The following APOBR variants were observed in gnomAD, a reference collection of about 807,000 sequenced individuals.
APOBR encodes the protein apolipoprotein B receptor, also known as apoB-48R.
In APOBR, 57 loss-of-function variants were observed where a neutral mutation model predicts 88.5. The observed-to-expected ratio is 0.64, with a 90% confidence interval of 0.52 to 0.80. The LOEUF is 0.80. Ranked by LOEUF, APOBR falls within the 30% of genes least tolerant of loss-of-function variation. The pLI is 0.00. For synonymous variants in APOBR, 588 were observed against 572.7 expected (o/e 1.03, Z -0.38); for missense variants, 1,443 against 1,401.6 (o/e 1.03, Z -0.47).
chr16:28,498,543 G>C lies in APOBR; in HGVS notation c.*38G>C. On this transcript the variant is annotated 3_prime_UTR_variant, in exon 4 of 4. Transcript: ENST00000564831. Reference sequence around the variant, plus strand: ...GCTCTGGGAGCCAGGCCCTGAGTGGGTGCCAGAAGGCTTGCTCCAATGCCA... The same window carrying C: ...GCTCTGGGAGCCAGGCCCTGAGTGGCTGCCAGAAGGCTTGCTCCAATGCCA... 2 of 1,555,826 alleles carry C rather than the reference G, an allele frequency of 1.3e-6. No individual in the cohort carries two copies. Among genetic ancestry groups the C allele is most frequent in the East Asian group, 4.8e-5 (2 of 41,776 alleles).
rs2046401066 is a variant in APOBR, at chr16:28,497,304, G to A, written c.2263G>A (p.Ala755Thr). ...VAVGLPDRED[A>T]QTGSVAAGIM... ...TGTGGGCCTCCCGGACCGTGAGGAT[G>A]CACAGACTGGCTCTGTGGCTGCTGG... Residue 755 changes from alanine to threonine, a missense_variant, in exon 2 of 4, where the codon GCA (alanine) becomes ACA (threonine). Physicochemically the swap from Ala to Thr is moderately conservative, Grantham distance 58. Transcript: ENST00000564831. 4.4e-6 allele frequency: 7 copies of A among 1,599,196 alleles called. No individual in the cohort carries two copies. Among genetic ancestry groups the A allele is most frequent in the Non-Finnish European group, 4.3e-6 (5 of 1,173,204 alleles).
Position 28,495,302 on chromosome 16 carries a change from CAG to C in APOBR, c.263_264del (p.Arg88LysfsTer3). The C allele has an allele frequency of 6.5e-7, 1 of 1,538,516 alleles. No individual in the cohort carries two copies. The highest frequency in any genetic ancestry group is 8.7e-7 in the Non-Finnish European group (1 of 1,143,120). ...GAAGGCTGAGAGGGCCTGGAGATGACAGAAGACATGAAGTGGGGAGCTCAGCT... is the reference window on the plus strand; with the variant it reads ...GAAGGCTGAGAGGGCCTGGAGATGACAAGACATGAAGTGGGGAGCTCAGCT... ...AGRLRGPGDD[R>X]RHEVGSSAVE... is the part of the protein sequence containing the mutation. On this transcript the variant is annotated frameshift_variant, in exon 2 of 4. Transcript: ENST00000564831. LOFTEE classifies it high-confidence loss of function.
chr16:28,498,144 A>G lies in APOBR; in HGVS notation c.3019A>G (p.Ser1007Gly). The change falls in exon 3 of 4, where the codon AGC (serine) becomes GGC (glycine). Residue 1007 changes from serine to glycine, a missense_variant. Ser to Gly is a moderately conservative substitution (Grantham distance 56). Coordinates refer to ENST00000564831, the MANE Select transcript of APOBR (RefSeq NM_018690.4). ...VPRSRVHLSRSSSQRRSRPSF... is the reference protein window; with the variant it reads ...VPRSRVHLSRGSSQRRSRPSF... Reference sequence around the variant, plus strand: ...AAGGAGTCGCGTGCACCTCTCGAGAAGCTCCTCACAGCGTCGCTCCCGGCC... The same window carrying G: ...AAGGAGTCGCGTGCACCTCTCGAGAGGCTCCTCACAGCGTCGCTCCCGGCC... The G allele has an allele frequency of 6.3e-7, 1 of 1,598,838 alleles. No homozygotes were observed. The highest frequency in any genetic ancestry group is 8.5e-7 in the Non-Finnish European group (1 of 1,178,414).
At position 28,496,827 on chromosome 16, in the gene APOBR, G is replaced by A; in HGVS notation, c.1786G>A (p.Glu596Lys). 2.6e-6 allele frequency: 4 copies of A among 1,560,974 alleles called. No homozygotes were observed. Among genetic ancestry groups the A allele is most frequent in the Non-Finnish European group, 3.5e-6 (4 of 1,152,388 alleles). The change falls in exon 2 of 4, where the codon GAG becomes AAG. Residue 596 changes from glutamate (E) to lysine (K), a missense_variant. By Grantham distance (56) the Glu-to-Lys change is moderately conservative. Transcript: ENST00000564831. The part of the protein sequence containing the change: ...ELMGVLALSK[E>K]EQERSLEAGP... ...CATGGGAGTTCTGGCCCTGAGCAAA[G>A]AGGAGCAGGAGAGGAGCCTGGAGGC...
chr16:28,497,809 T>C lies in APOBR; in HGVS notation c.2768T>C (p.Met923Thr). The C allele has an allele frequency of 6.2e-7, 1 of 1,606,404 alleles. No individual in the cohort carries two copies. The highest frequency in any genetic ancestry group is 1.1e-5 in the South Asian group (1 of 89,958). Reference sequence around the variant, plus strand: ...AGGCTCCTTGATGCAGAGGGTCTCATGGTGACCGGGGGCCGGAGGGCAGAG... The same window carrying C: ...AGGCTCCTTGATGCAGAGGGTCTCACGGTGACCGGGGGCCGGAGGGCAGAG... ...APRLLDAEGL[M>T]VTGGRRAEAK... Residue 923 changes from methionine (M) to threonine (T), a missense_variant, in exon 2 of 4, where the codon ATG (methionine) becomes ACG (threonine). Transcript: ENST00000564831.
Position 28,498,612 on chromosome 16 carries a change from C to T in APOBR, c.*107C>T. The T allele has an allele frequency of 7.9e-6, 10 of 1,265,802 alleles. No individual in the cohort carries two copies. Among genetic ancestry groups the T allele is most frequent in the Non-Finnish European group, 1.1e-5 (10 of 922,578 alleles). The allele number at this position is 1,265,802 out of a possible 1,614,324, so 78.4% of individuals were successfully genotyped here. ...GCCACTGTGGACACATCCTCTCCAC[C>T]CTCTGGGCCTCAGTGTCTTGATGTA... On this transcript the variant is annotated 3_prime_UTR_variant, in exon 4 of 4. Coordinates refer to ENST00000564831, the MANE Select transcript of APOBR (RefSeq NM_018690.4).
Position 28,496,048 on chromosome 16 carries a change from A to C in APOBR, c.1007A>C (p.Glu336Ala). ...EEAGTASGGE[E>A]AGIASGGEAG... ...GCCGGGACAGCCTCGGGAGGGGAGG[A>C]GGCCGGGATAGCCTCAGGCGGGGAG... The change falls in exon 2 of 4, where the codon GAG (glutamate) becomes GCG (alanine). Residue 336 changes from glutamate to alanine, a missense_variant. Coordinates refer to ENST00000564831, the MANE Select transcript of APOBR (RefSeq NM_018690.4). 1 of 1,570,164 alleles carries C rather than the reference A, an allele frequency of 6.4e-7. No individual in the cohort carries two copies.
Position 28,496,867 on chromosome 16 carries a change from CG to C in APOBR, c.1830del (p.Ser611LeufsTer2). The C allele has an allele frequency of 6.4e-7, 1 of 1,559,448 alleles. No individual in the cohort carries two copies. Among genetic ancestry groups the C allele is most frequent in the Non-Finnish European group, 8.7e-7 (1 of 1,151,660 alleles). ...AGCCTGGAGGCAGGTCCCAGGCACG[CG>C]GGGTCTGTAAAGCCTGAGGCCTCCG... is the stretch of plus-strand genomic sequence containing the variant. Reference protein sequence around the residue: ...ERSLEAGPRHAGSVKPEASEA... With the variant: ...ERSLEAGPRHXGSVKPEASEA... On this transcript the variant is annotated frameshift_variant, in exon 2 of 4. Coordinates refer to ENST00000564831, the MANE Select transcript of APOBR (RefSeq NM_018690.4). LOFTEE classifies it high-confidence loss of function.
intron 1 of APOBR, 155 bp downstream of exon 1, chr16:28,494,893 A>C: frequency 1.2e-6 from 1 of 867,562 alleles, no homozygotes; most frequent in Non-Finnish European, 1.7e-6. Flanking sequence ...CTGGCCTAAT[A>C]TTTTCTGAAT....
intron 3 of APOBR, 42 bp from the exon 4 acceptor site, chr16:28,498,394 C>A: frequency 6.3e-7 from 1 of 1,597,632 alleles, no homozygotes; most frequent in Admixed American, 1.7e-5. Flanking sequence ...AGACCGCGGG[C>A]ACCTGGGAAC....
At position 28,498,616 on chromosome 16, in the gene APOBR, T is replaced by C. The variant is rs1241451576; in HGVS notation, c.*111T>C. The C allele has an allele frequency of 1.6e-6, 2 of 1,229,186 alleles. No individual in the cohort carries two copies. Among genetic ancestry groups the C allele is most frequent in the Non-Finnish European group, 2.2e-6 (2 of 891,138 alleles). 76.1% of individuals were successfully genotyped at this position (1,229,186 alleles called of 1,614,324 possible). On this transcript the variant is annotated 3_prime_UTR_variant, in exon 4 of 4. Coordinates refer to ENST00000564831, the MANE Select transcript of APOBR (RefSeq NM_018690.4). ...CTGTGGACACATCCTCTCCACCCTC[T>C]GGGCCTCAGTGTCTTGATGTATCAT...
In APOBR at chr16:28,497,161, C is replaced by G. The variant is rs758647499; in HGVS notation, c.2120C>G (p.Thr707Arg). 1.2e-5 allele frequency: 20 copies of G among 1,605,202 alleles called. 1 individual carries two copies. The South Asian group carries it at 2.2e-4, about 18-fold the overall frequency. Residue 707 changes from threonine to arginine, a missense_variant, in exon 2 of 4, where the codon ACA (threonine) becomes AGA (arginine). Transcript: ENST00000564831. ...VSENQELDGS[T>R]GADAGPCPSL... ...GAGAACCAGGAGCTGGACGGAAGCA[C>G]AGGGGCAGACGCAGGGCCTTGCCCG...
rs762890874 is a variant in APOBR at position 28,495,063 on chromosome 16, T to TCAATGACTCTCCC, written c.58-34_58-22dup. ...CCCAGGGAAAGGGCTGGGACTCTCC[T>TCAATGACTCTCCC]CAATGACTCTCCCCTCTCTCTCTCT... On this transcript the variant is annotated intron_variant, in intron 1 of 3. Transcript: ENST00000564831. 26 of 1,465,272 alleles carry TCAATGACTCTCCC rather than the reference T, an allele frequency of 1.8e-5. No homozygotes were observed. In the South Asian group the frequency reaches 3.6e-4, roughly 20 times the overall value. The allele number at this position is 1,465,272 out of a possible 1,614,324, so 90.8% of individuals were successfully genotyped here. A position where few individuals can be genotyped will look rare whatever the true frequency, so the allele number is the denominator to read the frequency against.
In APOBR at chr16:28,496,444, AG is replaced by A; in HGVS notation, c.1405del (p.Glu469ArgfsTer4). ...GAGGGCCAGGTAGACCTGCGTGGTA[AG>A]GAGGCTGAGATGAGGCAGGACTTGG... is the stretch of plus-strand genomic sequence containing the variant. ...SFEGQVDLRG[K>X]EAEMRQDLGI... On this transcript the variant is annotated frameshift_variant, in exon 2 of 4. Transcript: ENST00000564831. LOFTEE classifies it high-confidence loss of function. The A allele has an allele frequency of 6.2e-7, 1 of 1,612,386 alleles. No homozygotes were observed. Among genetic ancestry groups the A allele is most frequent in the Non-Finnish European group, 8.5e-7 (1 of 1,179,200 alleles).
At position 28,498,680 on chromosome 16, in the gene APOBR, G is replaced by T; in HGVS notation, c.*175G>T. The T allele has an allele frequency of 1.4e-6, 1 of 732,880 alleles. No homozygotes were observed. Among genetic ancestry groups the T allele is most frequent in the Non-Finnish European group, 2.2e-6 (1 of 456,898 alleles). 45.4% of individuals were successfully genotyped at this position (732,880 alleles called of 1,614,324 possible). On this transcript the variant is annotated 3_prime_UTR_variant, in exon 4 of 4. Transcript: ENST00000564831. The stretch of plus-strand genomic sequence containing the variant: ...AAAACCAGACGTCTGGGAAGACCGT[G>T]AACTTAAGGAGTCTGATTCTCCGAC...
rs762310359 is a variant in APOBR at position 28,495,501 on chromosome 16, G to C, written c.460G>C (p.Gly154Arg). Residue 154 changes from glycine (G) to arginine (R), a missense_variant, in exon 2 of 4, where the codon GGC (glycine) becomes CGC (arginine). Gly to Arg is a moderately radical substitution (Grantham distance 125, BLOSUM62 -2). Transcript: ENST00000564831. ...GTCTGGGGCTTGCCAAGACAGGAGC[G>C]GCCAAGCCCAGGAGAGGCAGGAGTC... ...AGSGACQDRS[G>R]QAQERQESHE... The C allele has an allele frequency of 7.0e-6, 11 of 1,568,874 alleles. No homozygotes were observed. The highest frequency in any genetic ancestry group is 9.5e-6 in the Non-Finnish European group (11 of 1,157,254).
Position 28,495,190 on chromosome 16 carries a change from T to A in APOBR, c.149T>A (p.Val50Glu). The A allele has an allele frequency of 6.4e-7, 1 of 1,567,276 alleles. No homozygotes were observed. Residue 50 changes from valine to glutamate, a missense_variant, in exon 2 of 4, where the codon GTG becomes GAG. Val to Glu is a moderately radical substitution (Grantham distance 121). Transcript: ENST00000564831. ...EAQAAEELGV[V>E]AVGKTGKIVE... ...CAGGCGGCTGAGGAACTGGGGGTGG[T>A]GGCGGTGGGAAAGACAGGGAAGATT...
At position 28,495,679 on chromosome 16, in the gene APOBR, T is replaced by C; in HGVS notation, c.638T>C (p.Val213Ala). 6.5e-7 allele frequency: 1 copy of C among 1,538,214 alleles called. No homozygotes were observed. Reference protein sequence around the residue: ...HGETEGKAGAVGPKAAGDNRE... With the variant: ...HGETEGKAGAAGPKAAGDNRE... ...GAGACGGAGGGGAAGGCTGGTGCTG[T>C]TGGGCCAAAGGCGGCAGGGGACAAC... The change falls in exon 2 of 4, where the codon GTT becomes GCT. Residue 213 changes from valine (V) to alanine (A), a missense_variant. Val to Ala is a moderately conservative substitution (Grantham distance 64). Transcript: ENST00000564831.
At position 28,498,160 on chromosome 16, in the gene APOBR, G is replaced by A. The variant is rs763269841; in HGVS notation, c.3035G>A (p.Arg1012His). 2.2e-5 allele frequency: 36 copies of A among 1,600,310 alleles called. No individual in the cohort carries two copies. The East Asian group carries it at 2.9e-4, about 13-fold the overall frequency. Residue 1012 changes from arginine to histidine, a missense_variant, in exon 3 of 4, where the codon CGC becomes CAC. Transcript: ENST00000564831. ...VHLSRSSSQR[R>H]SRPSFRRTPA... The stretch of plus-strand genomic sequence containing the variant: ...CTCTCGAGAAGCTCCTCACAGCGTC[G>A]CTCCCGGCCCTCTTTTCGTCGGACT...
Sources: gnomAD v4.1 joint callset for allele counts on GRCh38, gnomAD v4.1.1 for gene constraint, MANE v1.5 for transcripts, NCBI Gene and HGNC (gene_info 2026-07-23, HGNC 2026-07-21) for gene names.